Variants in CACNA2D3 observed in about 807,000 individuals in gnomAD.
The protein encoded by CACNA2D3 is voltage-dependent calcium channel subunit alpha-2/delta-3.
A neutral mutation model predicts 160.6 loss-of-function variants in CACNA2D3; 60 were observed. The observed-to-expected ratio is 0.37, with a 90% CI of 0.30 to 0.46. CACNA2D3 has a LOEUF of 0.46. Among genes scored for constraint, CACNA2D3 ranks in the 20% least tolerant of loss-of-function variants. The pLI, the probability that CACNA2D3 is intolerant of heterozygous loss-of-function variation, is 1.00. For missense variants in CACNA2D3, 1,205 were observed against 1,365.0 expected (o/e 0.88, Z 1.85); for synonymous variants, 558 against 492.9 (o/e 1.13, Z -1.75).
chr3:54,179,423 A>G (rs1700739375), intron 2 of CACNA2D3, among the ~76,000 whole-genome samples: 1 of 152,056 alleles, frequency 6.6e-6, no homozygotes, highest in African/African-American at 2.4e-5. Flanking sequence ...TGATCCAGCT[A>G]GATTCTTGGG....
intron 2 of CACNA2D3, among the ~76,000 whole-genome samples, chr3:54,157,835 CAAAAA>C (rs5849032): frequency 3.0e-5 from 4 of 134,348 alleles, no homozygotes; most frequent in African/African-American, 8.0e-5. Context: ...CCCAACCAAA[CAAAAA>C]AAAAAAAAAA....
intron 2 of CACNA2D3, among the ~76,000 whole-genome samples, chr3:54,221,522 A>G (rs1292077848): frequency 6.6e-6 from 1 of 152,242 alleles, no homozygotes; most frequent in Non-Finnish European, 1.5e-5. Flanking sequence ...TAAGAGAGTT[A>G]ATCCAAATTG....
intron 11 of CACNA2D3, among the ~76,000 whole-genome samples, chr3:54,745,996 G>A (rs987273106): frequency 6.6e-6 from 1 of 152,064 alleles, no homozygotes; most frequent in Admixed American, 6.6e-5. Flanking sequence ...TTTTATTGCT[G>A]TTCAGGGTAG....
At chr3:55,042,595 T>C (rs1423370377) in intron 35 of CACNA2D3, among the ~76,000 whole-genome samples, 1 of 152,210 alleles carries the variant, frequency 6.6e-6, no homozygotes, top group East Asian at 1.9e-4. Flanking sequence ...TTAGCTGTTA[T>C]TGCTTATGGT....
intron 35 of CACNA2D3, among the ~76,000 whole-genome samples, chr3:55,042,174 G>A (rs1371790006): frequency 1.3e-5 from 2 of 152,100 alleles, no homozygotes; most frequent in Non-Finnish European, 2.9e-5. Flanking sequence ...AAGACATTGT[G>A]TTGTTGAAAT....
intron 6 of CACNA2D3, among the ~76,000 whole-genome samples, chr3:54,564,173 C>T (rs1173246716): frequency 6.6e-6 from 1 of 152,152 alleles, no homozygotes; most frequent in African/African-American, 2.4e-5. Context: ...CGCTATGCGG[C>T]ACTGTGAAGA....
chr3:54,952,633 T>G (rs1378261253), intron 27 of CACNA2D3, among the ~76,000 whole-genome samples: 1 of 152,198 alleles, frequency 6.6e-6, no homozygotes, highest in Non-Finnish European at 1.5e-5. Flanking sequence ...ATTATAGTTA[T>G]TTATTTTCTG....
intron 2 of CACNA2D3, among the ~76,000 whole-genome samples, chr3:54,286,331 A>G (rs1006181398): frequency 2.0e-5 from 3 of 152,210 alleles, no homozygotes; most frequent in Admixed American, 6.5e-5. Context: ...GGGTATCAGC[A>G]ATGGAAGATG....
intron 12 of CACNA2D3, among the ~76,000 whole-genome samples, chr3:54,756,658 C>G (rs2107078464): frequency 6.6e-6 from 1 of 152,150 alleles, no homozygotes; most frequent in East Asian, 1.9e-4. Context: ...ACAGAATGAC[C>G]CTGGGAGGGA....
chr3:54,998,446 A>ATTC (rs1702906024), intron 31 of CACNA2D3, among the ~76,000 whole-genome samples: 2 of 152,060 alleles, frequency 1.3e-5, no homozygotes, highest in African/African-American at 4.8e-5. Context: ...TAATCAATTA[A>ATTC]TTCTTATGGT....
rs7650507 is a variant in CACNA2D3 at position 55,053,887 on chromosome 3, A to G, written c.2988-19558A>G. ...TTAAGGTAAAAGCATTTGGTCATTCATATAGACCATTTATTTTTAATGAAG... is the reference window on the plus strand; with the variant it reads ...TTAAGGTAAAAGCATTTGGTCATTCGTATAGACCATTTATTTTTAATGAAG... On this transcript the variant is annotated intron_variant, in intron 35 of 37. Transcript: ENST00000474759. Among the ~76,000 whole-genome samples the G allele has an allele frequency of 9.2e-3, 1,404 of 152,048 alleles. 25 individuals carry two copies. The highest frequency in any genetic ancestry group is 0.032 in the African/African-American group (1,327 of 41,546).
At chr3:54,597,054 T>C (rs571871261) in intron 9 of CACNA2D3, among the ~76,000 whole-genome samples, 12 of 152,270 alleles carry the variant, frequency 7.9e-5, no homozygotes, top group South Asian at 2.1e-4. Flanking sequence ...ATAGATAGCA[T>C]TGAATGAAGG....
chr3:54,352,389 G>T (rs971002055), intron 3 of CACNA2D3, among the ~76,000 whole-genome samples: 48 of 152,202 alleles, frequency 3.2e-4, no homozygotes, highest in African/African-American at 1.1e-3. Context: ...TGGAGTAGTA[G>T]TATTATTACC....
In CACNA2D3 at chr3:54,468,232, C is replaced by T. The variant is rs146326515; in HGVS notation, c.382-35260C>T. Among the ~76,000 whole-genome samples the T allele has an allele frequency of 4.6e-5, 7 of 152,238 alleles. No homozygotes were observed. In the East Asian group the frequency reaches 9.7e-4, roughly 21 times the overall value. The stretch of plus-strand genomic sequence containing the variant: ...ATTTCTGCATTTCCAACTGAGGTAC[C>T]AAGTCATCTCATTGGGACTGGTTGG... On this transcript the variant is annotated intron_variant, in intron 4 of 37. Coordinates refer to ENST00000474759, the MANE Select transcript of CACNA2D3 (RefSeq NM_018398.3).
At chr3:54,519,423 A>G (rs1701609769) in intron 5 of CACNA2D3, among the ~76,000 whole-genome samples, 1 of 152,176 alleles carries the variant, frequency 6.6e-6, no homozygotes, top group Non-Finnish European at 1.5e-5. Flanking sequence ...GGGTGACACC[A>G]GCGTTTGAGA....
chr3:54,714,759 A>G (rs1701020372), intron 11 of CACNA2D3, among the ~76,000 whole-genome samples: 1 of 152,236 alleles, frequency 6.6e-6, no homozygotes, highest in Admixed American at 6.5e-5. Flanking sequence ...TCGATAGCAA[A>G]GAGATAACTG....
intron 2 of CACNA2D3, among the ~76,000 whole-genome samples, chr3:54,319,666 C>T (rs1020913589): frequency 1.3e-5 from 2 of 152,066 alleles, no homozygotes; most frequent in Non-Finnish European, 2.9e-5. Context: ...TTACAGAGTC[C>T]TGAGGACTCC....
chr3:55,015,904 T>C (rs936977931), intron 34 of CACNA2D3, among the ~76,000 whole-genome samples: 3 of 152,226 alleles, frequency 2.0e-5, no homozygotes, highest in African/African-American at 7.2e-5. Flanking sequence ...CACGTGCCTC[T>C]TCTGTGTTGT....
chr3:54,672,779 G>A (rs1029299756), intron 11 of CACNA2D3, among the ~76,000 whole-genome samples: 11 of 152,300 alleles, frequency 7.2e-5, no homozygotes, highest in East Asian at 3.9e-4. Flanking sequence ...AGGAATGGTC[G>A]TGTTCACTCT....
Sources: gnomAD v4.1 joint callset for allele counts (sites outside exome capture counted in the v4.1 genomes callset) on GRCh38, gnomAD v4.1.1 for gene constraint, MANE v1.5 for transcripts, NCBI Gene and HGNC (gene_info 2026-07-23, HGNC 2026-07-21) for gene names.